The following SEPTIN6 variants were observed in gnomAD, a reference collection of about 807,000 sequenced individuals.
The protein encoded by SEPTIN6 is septin 6.
SEPTIN6 carries 8 observed loss-of-function variants against 33.6 expected under a neutral mutation model. The ratio of observed to expected loss-of-function variants is 0.24; its 90% CI spans 0.14 to 0.43. SEPTIN6 has a LOEUF of 0.43. SEPTIN6 is among the 20% of genes least tolerant of loss of function. The probability of loss-of-function intolerance (pLI) is 1.00; values close to 1 mark genes in which losing one functional copy is unlikely to be tolerated. For synonymous variants in SEPTIN6, 131 were observed against 140.0 expected, an observed-to-expected ratio of 0.94 and a Z score of 0.45; for missense variants, 250 against 340.8, an observed-to-expected ratio of 0.73 and a Z score of 2.10.
intron 3 of SEPTIN6, among the ~76,000 whole-genome samples, chrX:119,659,163 G>A (rs556124819): frequency 8.1e-5 from 9 of 111,577 alleles, no homozygotes; most frequent in Admixed American, 2.9e-4. Flanking sequence ...GTGTGAGAGG[G>A]TCTCGTTTTA....
At chrX:119,628,308 TCG>T (rs1226974018) in intron 9 of SEPTIN6, among the ~76,000 whole-genome samples, 1 of 104,811 alleles carries the variant, frequency 9.5e-6, no homozygotes, top group Non-Finnish European at 1.9e-5. Context: ...AGATGGAGTC[TCG>T]CTCTGTCGCC....
chrX:119,670,656 C>G (rs1182558655), intron 2 of SEPTIN6, among the ~76,000 whole-genome samples: 1 of 107,888 alleles, frequency 9.3e-6, no homozygotes. Context: ...CAAAAATTCT[C>G]GGCCGGACGC....
intron 1 of SEPTIN6, among the ~76,000 whole-genome samples, chrX:119,691,979 C>G (rs1212232956): frequency 2.7e-5 from 3 of 111,373 alleles, no homozygotes; most frequent in East Asian, 5.6e-4. Flanking sequence ...GGGTGTCCCC[C>G]CCAAATGGAA....
intron 1 of SEPTIN6, chrX:119,686,700 G>T: frequency 1.5e-6 from 1 of 646,493 alleles, no homozygotes; most frequent in Non-Finnish European, 2.2e-6. Flanking sequence ...CCCCACTCCA[G>T]TTGTTACTTA....
At chrX:119,656,714 C>T (rs1478651015) in intron 3 of SEPTIN6, among the ~76,000 whole-genome samples, 2 of 111,091 alleles carry the variant, frequency 1.8e-5, no homozygotes, top group African/African-American at 3.3e-5. Flanking sequence ...GGTGAAACCC[C>T]GTCTCTACTA....
rs182779122 is a variant in SEPTIN6, at chrX:119,671,953, G to A, written c.145+3601C>T. ...TGGACCCTTTGCGAAGTCAGTGACT[G>A]GATCCAGCCTCATGGCTGGGCTGAC... On this transcript the variant is annotated intron_variant, in intron 2 of 10. Coordinates refer to ENST00000394610, the MANE Select transcript of SEPTIN6 (RefSeq NM_145799.4). 6.2e-4 allele frequency among the ~76,000 whole-genome samples: 70 copies of A among 112,132 alleles called. 1 individual carries two copies. The East Asian group carries it at 0.017, about 28-fold the overall frequency.
At chrX:119,640,161 A>T (rs1253456743) in intron 6 of SEPTIN6, among the ~76,000 whole-genome samples, 35 of 22,132 alleles carry the variant, frequency 1.6e-3, no homozygotes, top group Middle Eastern at 0.029. Flanking sequence ...CCCTCCCACT[A>T]TCCAGTCTTT....
intron 2 of SEPTIN6, 118 bp from the exon 3 acceptor site, chrX:119,663,795 C>CA: frequency 1.7e-6 from 1 of 573,872 alleles, no homozygotes; most frequent in Non-Finnish European, 2.7e-6. Flanking sequence ...AAACATAAAG[C>CA]AAAAAGCAGA....
At chrX:119,662,222 C>T (rs1379634701) in intron 3 of SEPTIN6, among the ~76,000 whole-genome samples, 4 of 112,049 alleles carry the variant, frequency 3.6e-5, no homozygotes, top group Non-Finnish European at 7.5e-5. Flanking sequence ...GAACATATCA[C>T]CTCTACCTTG....
chrX:119,631,320 A>G (rs1171098653), intron 8 of SEPTIN6, among the ~76,000 whole-genome samples: 2 of 108,792 alleles, frequency 1.8e-5, no homozygotes, highest in Admixed American at 2.0e-4. Context: ...AGCTGGGACT[A>G]CAGGCACGTG....
chrX:119,633,106 A>T (rs1212384229), intron 8 of SEPTIN6, among the ~76,000 whole-genome samples: 1 of 111,941 alleles, frequency 8.9e-6, no homozygotes. Flanking sequence ...AGTTGATTCT[A>T]TGTCTTTCCT....
chrX:119,651,009 G>C (rs752128936), intron 4 of SEPTIN6, among the ~76,000 whole-genome samples: 1 of 110,027 alleles, frequency 9.1e-6, no homozygotes, highest in East Asian at 2.9e-4. Flanking sequence ...AAAGAAACTT[G>C]AAATGCACAT....
intron 1 of SEPTIN6, among the ~76,000 whole-genome samples, chrX:119,684,096 C>T: frequency 9.1e-6 from 1 of 109,750 alleles, no homozygotes; most frequent in African/African-American, 3.3e-5. Flanking sequence ...TGTACCACCA[C>T]ACCCAGCTAA....
chrX:119,641,732 C>T (rs1000345570), intron 5 of SEPTIN6, among the ~76,000 whole-genome samples: 1 of 112,147 alleles, frequency 8.9e-6, no homozygotes, highest in Non-Finnish European at 1.9e-5. Context: ...CTCACAGAGC[C>T]GTAATCCACA....
At chrX:119,663,747 A>T in intron 2 of SEPTIN6, 70 bp from the exon 3 acceptor site, 1 of 855,376 alleles carries the variant, frequency 1.2e-6, no homozygotes, top group Non-Finnish European at 1.6e-6. Context: ...ATCATGTTTC[A>T]TATACACATT....
intron 1 of SEPTIN6, among the ~76,000 whole-genome samples, chrX:119,683,143 G>C (rs1283738478): frequency 8.9e-6 from 1 of 112,458 alleles, no homozygotes; most frequent in Non-Finnish European, 1.9e-5. Flanking sequence ...GTCCCAGCCA[G>C]TTGGGAGGCT....
intron 3 of SEPTIN6, among the ~76,000 whole-genome samples, chrX:119,656,809 C>T (rs955520436): frequency 4.5e-5 from 5 of 111,558 alleles, no homozygotes; most frequent in South Asian, 3.7e-4. Flanking sequence ...TTGCTTGAAC[C>T]GAGGAGGCGG....
intron 1 of SEPTIN6, among the ~76,000 whole-genome samples, chrX:119,690,338 T>TACACACAC (rs1457561819): frequency 4.5e-5 from 3 of 67,349 alleles, no homozygotes; most frequent in African/African-American, 1.3e-4. Flanking sequence ...ACCCCCCACA[T>TACACACAC]ACATACACAT....
rs370055006 is a variant in SEPTIN6, at chrX:119,690,342, T to TACACAC, written c.30+2733_30+2734insGTGTGT. On this transcript the variant is annotated intron_variant, in intron 1 of 10. Coordinates refer to ENST00000394610, the MANE Select transcript of SEPTIN6 (RefSeq NM_145799.4). ...AGAAAGAACACACCCCCCACATACA[T>TACACAC]ACACATACACACACACACACACACA... Among the ~76,000 whole-genome samples, 11 of 69,375 alleles carry TACACAC rather than the reference T, an allele frequency of 1.6e-4. No homozygotes were observed. The South Asian group carries it at 4.8e-3, about 30-fold the overall frequency. The allele number at this position is 69,375 out of a possible 115,157, so 60.2% of individuals were successfully genotyped here.
Sources: allele counts gnomAD v4.1 joint callset (sites outside exome capture counted in the v4.1 genomes callset), GRCh38; gene constraint gnomAD v4.1.1; transcripts MANE v1.5; gene names NCBI Gene and HGNC (gene_info 2026-07-23, HGNC 2026-07-21).